PTPRD: variants seen among roughly 807,000 people sequenced by gnomAD.
PTPRD encodes the protein protein tyrosine phosphatase receptor type D.
Under a neutral mutation model 214.5 loss-of-function variants are expected in PTPRD, and 34 were observed. That is an observed-to-expected ratio of 0.16 (90% confidence interval 0.12 to 0.21). The LOEUF (loss-of-function observed/expected upper bound fraction) is 0.21, where lower values mean the gene tolerates loss of function less well. PTPRD is among the 10% of genes least tolerant of loss of function. The pLI is 1.00. For missense variants in PTPRD, 2,545 were observed against 2,398.7 expected, an observed-to-expected ratio of 1.06 and a Z score of -1.27; for synonymous variants, 1,128 against 845.7, an observed-to-expected ratio of 1.33 and a Z score of -5.79.
chr9:9,346,461 C>A (rs2048839778), intron 9 of PTPRD, among the ~76,000 whole-genome samples: 1 of 152,098 alleles, frequency 6.6e-6, no homozygotes, highest in Non-Finnish European at 1.5e-5. Flanking sequence ...TGCAATTAAA[C>A]AACTCTATAT....
intron 2 of PTPRD, among the ~76,000 whole-genome samples, chr9:10,556,827 T>G (rs2062717811): frequency 6.6e-6 from 1 of 152,114 alleles, no homozygotes; most frequent in South Asian, 2.1e-4. Context: ...TAAAAATACT[T>G]CAACTAATTT....
At chr9:8,556,938 A>G (rs1275703856) in intron 14 of PTPRD, among the ~76,000 whole-genome samples, 3 of 152,198 alleles carry the variant, frequency 2.0e-5, no homozygotes, top group African/African-American at 7.2e-5. Context: ...TAGTCCTTAT[A>G]TGCACATACA....
intron 10 of PTPRD, among the ~76,000 whole-genome samples, chr9:9,026,019 G>T (rs2099585802): frequency 6.6e-6 from 1 of 151,936 alleles, no homozygotes; most frequent in East Asian, 1.9e-4. Context: ...AAGACAGTTG[G>T]ATGGATGGAT....
At chr9:9,858,224 A>G (rs903577440) in intron 5 of PTPRD, among the ~76,000 whole-genome samples, 2 of 152,230 alleles carry the variant, frequency 1.3e-5, no homozygotes, top group South Asian at 4.1e-4. Context: ...TGGAAGCCCT[A>G]TAACTAAAAG....
At position 8,913,749 on chromosome 9, in the gene PTPRD, T is replaced by C. The variant is rs115134925; in HGVS notation, c.-104+104948A>G. Reference sequence around the variant, plus strand: ...AGAAAGAGTGAAGAAATTCATGCTATCAATATTCTGCAAATAAACGTATAC... The same window carrying C: ...AGAAAGAGTGAAGAAATTCATGCTACCAATATTCTGCAAATAAACGTATAC... On this transcript the variant is annotated intron_variant, in intron 11 of 45. Coordinates refer to ENST00000381196, the MANE Select transcript of PTPRD (RefSeq NM_002839.4). 5.3e-3 allele frequency among the ~76,000 whole-genome samples: 805 copies of C among 152,218 alleles called. 12 individuals are homozygous for C. Among genetic ancestry groups the C allele is most frequent in the African/African-American group, 5.8e-3 (243 of 41,562 alleles).
intron 7 of PTPRD, among the ~76,000 whole-genome samples, chr9:9,673,566 C>A (rs1402628799): frequency 6.6e-6 from 1 of 151,454 alleles, no homozygotes; most frequent in Non-Finnish European, 1.5e-5. Flanking sequence ...ATGAACACTA[C>A]AAATTGAGTT....
intron 12 of PTPRD, among the ~76,000 whole-genome samples, chr9:8,720,992 C>T (rs1407468137): frequency 6.6e-6 from 1 of 151,588 alleles, no homozygotes; most frequent in Non-Finnish European, 1.5e-5. Context: ...TTCCCCATCA[C>T]CTATTCACCT....
intron 34 of PTPRD, among the ~76,000 whole-genome samples, chr9:8,446,845 G>C (rs1355535379): frequency 6.6e-6 from 1 of 152,122 alleles, no homozygotes; most frequent in Non-Finnish European, 1.5e-5. Context: ...GTGAAAAAGA[G>C]GAGAAGAACA....
At chr9:9,948,004 T>C (rs2093010796) in intron 4 of PTPRD, among the ~76,000 whole-genome samples, 1 of 151,946 alleles carries the variant, frequency 6.6e-6, no homozygotes, top group Non-Finnish European at 1.5e-5. Flanking sequence ...GATTTTTTTC[T>C]TCTTGACTTT....
intron 11 of PTPRD, among the ~76,000 whole-genome samples, chr9:8,792,364 T>G (rs147870305): frequency 3.3e-5 from 5 of 152,312 alleles, no homozygotes; most frequent in African/African-American, 9.6e-5. Context: ...TGATAATAAA[T>G]GCAGTCACTT....
intron 11 of PTPRD, among the ~76,000 whole-genome samples, chr9:8,781,925 G>T (rs1160282270): frequency 4.0e-5 from 6 of 151,888 alleles, no homozygotes; most frequent in Non-Finnish European, 8.8e-5. Context: ...AGACATTCTA[G>T]TAAATCAATT....
chr9:10,336,915 G>C (rs1244762262), intron 3 of PTPRD, among the ~76,000 whole-genome samples: 1 of 151,582 alleles, frequency 6.6e-6, no homozygotes, highest in Non-Finnish European at 1.5e-5. Context: ...AATGGTTCCA[G>C]ATGTGCAATG....
At chr9:9,651,404 C>T (rs1479474288) in intron 7 of PTPRD, among the ~76,000 whole-genome samples, 1 of 152,118 alleles carries the variant, frequency 6.6e-6, no homozygotes, top group African/African-American at 2.4e-5. Flanking sequence ...CACCTTCCAA[C>T]TTCCAAAAAA....
At chr9:9,534,224 G>C (rs1412912923) in intron 8 of PTPRD, among the ~76,000 whole-genome samples, 1 of 152,034 alleles carries the variant, frequency 6.6e-6, no homozygotes, top group Non-Finnish European at 1.5e-5. Context: ...AAAATATGAT[G>C]AGAAATATTA....
intron 5 of PTPRD, among the ~76,000 whole-genome samples, chr9:9,913,157 C>T (rs1230105488): frequency 3.9e-5 from 6 of 151,938 alleles, no homozygotes; most frequent in Admixed American, 2.6e-4. Context: ...ATTCTAATTG[C>T]TATATAAATT....
chr9:9,648,997 A>T (rs1179803148), intron 7 of PTPRD, among the ~76,000 whole-genome samples: 2 of 152,150 alleles, frequency 1.3e-5, no homozygotes, highest in Non-Finnish European at 2.9e-5. Context: ...CATTTCTGGG[A>T]AACCAAGCAG....
At chr9:10,479,764 T>C (rs2099085941) in intron 2 of PTPRD, among the ~76,000 whole-genome samples, 1 of 151,858 alleles carries the variant, frequency 6.6e-6, no homozygotes, top group Non-Finnish European at 1.5e-5. Flanking sequence ...CAGGCTGCAG[T>C]GGGCCTTGAT....
intron 3 of PTPRD, among the ~76,000 whole-genome samples, chr9:10,078,304 A>G (rs1391686530): frequency 6.7e-6 from 1 of 150,098 alleles, no homozygotes; most frequent in Non-Finnish European, 1.5e-5. Context: ...CGAGGTCAGA[A>G]GTTCGAGACC....
intron 5 of PTPRD, among the ~76,000 whole-genome samples, chr9:9,811,568 G>A (rs1032401160): frequency 2.6e-5 from 4 of 152,210 alleles, no homozygotes; most frequent in Non-Finnish European, 4.4e-5. Flanking sequence ...TTAGCCAGGT[G>A]TGGTGGCAGG....
Sources: gnomAD v4.1 joint callset for allele counts (sites outside exome capture counted in the v4.1 genomes callset) on GRCh38, gnomAD v4.1.1 for gene constraint, MANE v1.5 for transcripts, NCBI Gene and HGNC (gene_info 2026-07-23, HGNC 2026-07-21) for gene names.